RNF216: variants seen among roughly 807,000 people sequenced by gnomAD.
The protein encoded by RNF216 is ring finger protein 216.
In RNF216, 72 loss-of-function variants were observed where a neutral mutation model predicts 110.8. The observed-to-expected ratio is 0.65, with a 90% CI of 0.54 to 0.79. The LOEUF (loss-of-function observed/expected upper bound fraction) is 0.79, where lower values mean the gene tolerates loss of function less well. Among genes scored for constraint, RNF216 ranks in the 30% least tolerant of loss-of-function variants. The pLI, the probability that RNF216 is intolerant of heterozygous loss-of-function variation, is 0.00. For missense variants in RNF216, 1,342 were observed against 1,141.2 expected (o/e 1.18, Z -2.54); for synonymous variants, 495 against 407.5 (o/e 1.21, Z -2.59).
chr7:5,668,072 A>C (rs1789643668), intron 13 of RNF216, among the ~76,000 whole-genome samples: 1 of 152,196 alleles, frequency 6.6e-6, no homozygotes, highest in African/African-American at 2.4e-5. Flanking sequence ...AGCTGTCTGA[A>C]CTTGGGGTTG....
At position 5,622,763 on chromosome 7, in the gene RNF216, G is replaced by C. The variant is rs554425712; in HGVS notation, c.*97C>G. On this transcript the variant is annotated 3_prime_UTR_variant, in exon 17 of 17. Transcript: ENST00000389902. ...CCAGCCTACCCTTCAAGCTGACTTA[G>C]GATGCAATGGTACAGACACCAGCCT... 95 of 1,221,414 alleles carry C rather than the reference G, an allele frequency of 7.8e-5. 1 individual carries two copies. Among genetic ancestry groups the C allele is most frequent in the African/African-American group, 1.4e-4 (9 of 66,514 alleles). The allele number at this position is 1,221,414 out of a possible 1,614,324, so 75.7% of individuals were successfully genotyped here.
At chr7:5,726,140 T>C (rs1179483592) in intron 7 of RNF216, among the ~76,000 whole-genome samples, 1 of 151,862 alleles carries the variant, frequency 6.6e-6, no homozygotes, top group African/African-American at 2.4e-5. Flanking sequence ...TAGCTGGGCG[T>C]GGTGGTCCAC....
chr7:5,760,595 G>C (rs1795883270), intron 2 of RNF216: 1 of 281,378 alleles, frequency 3.6e-6, no homozygotes, highest in Non-Finnish European at 7.0e-6. Context: ...GGCTAAGCCA[G>C]AATCTTCTGG....
chr7:5,731,219 TA>T (rs751671958), intron 5 of RNF216, among the ~76,000 whole-genome samples: 10 of 152,072 alleles, frequency 6.6e-5, no homozygotes, highest in East Asian at 1.9e-4. Context: ...ACATTTACAG[TA>T]AAAAACAGTC....
chr7:5,777,554 C>A (rs1420677844), intron 1 of RNF216: 1 of 152,212 alleles, frequency 6.6e-6, no homozygotes, highest in Non-Finnish European at 1.5e-5. Context: ...GTGTATGTCA[C>A]TGGCCATCAG....
Position 5,641,800 on chromosome 7 carries a change from C to T in RNF216, c.2160-424G>A, listed in dbSNP as rs556414151. Among the ~76,000 whole-genome samples the T allele has an allele frequency of 7.9e-5, 12 of 151,972 alleles. No homozygotes were observed. In the South Asian group the frequency reaches 2.5e-3, roughly 32 times the overall value. On this transcript the variant is annotated intron_variant, in intron 14 of 16. Coordinates refer to ENST00000389902, the MANE Select transcript of RNF216 (RefSeq NM_207111.4). ...CTGTAATCCCAGAACTTTGAGAGGCCAAAGCAGGAAGATCATTTGAGCTCA... is the reference window on the plus strand; with the variant it reads ...CTGTAATCCCAGAACTTTGAGAGGCTAAAGCAGGAAGATCATTTGAGCTCA...
At position 5,622,716 on chromosome 7, in the gene RNF216, T is replaced by C. The variant is rs1786447934; in HGVS notation, c.*144A>G. On this transcript the variant is annotated 3_prime_UTR_variant, in exon 17 of 17. Transcript: ENST00000389902. Reference sequence around the variant, plus strand: ...ACTCTTCCAGGAGCAGTAGCCCTTCTAGGAAAGGGGTGGGAAGAAAACCAG... The same window carrying C: ...ACTCTTCCAGGAGCAGTAGCCCTTCCAGGAAAGGGGTGGGAAGAAAACCAG... 1 of 781,062 alleles carries C rather than the reference T, an allele frequency of 1.3e-6. No individual in the cohort carries two copies. The highest frequency in any genetic ancestry group is 2.4e-5 in the Admixed American group (1 of 41,028). The allele number at this position is 781,062 out of a possible 1,614,324, so 48.4% of individuals were successfully genotyped here.
chr7:5,681,580 C>T (rs1253554975), intron 13 of RNF216, among the ~76,000 whole-genome samples: 1 of 152,178 alleles, frequency 6.6e-6, no homozygotes, highest in Admixed American at 6.5e-5. Flanking sequence ...CTTGATTAAC[C>T]CTACCCACTG....
chr7:5,656,088 G>C (rs1396764251), intron 13 of RNF216, among the ~76,000 whole-genome samples: 3 of 152,120 alleles, frequency 2.0e-5, no homozygotes, highest in African/African-American at 4.8e-5. Context: ...GGGCAACATG[G>C]TCAAACCCCA....
At chr7:5,751,988 C>T (rs998555461) in intron 3 of RNF216, among the ~76,000 whole-genome samples, 1 of 151,976 alleles carries the variant, frequency 6.6e-6, no homozygotes, top group Non-Finnish European at 1.5e-5. Context: ...GAGTTCAAGA[C>T]CAGCCTGGCC....
chr7:5,647,750 A>C (rs190430547), intron 14 of RNF216, among the ~76,000 whole-genome samples: 1 of 152,320 alleles, frequency 6.6e-6, no homozygotes, highest in Non-Finnish European at 1.5e-5. Flanking sequence ...CGTATCTATC[A>C]GCTACCAAGA....
At chr7:5,703,642 GATAA>G (rs1343765185) in intron 13 of RNF216, among the ~76,000 whole-genome samples, 2 of 152,230 alleles carry the variant, frequency 1.3e-5, no homozygotes, top group Non-Finnish European at 2.9e-5. Flanking sequence ...GGTGAGAAAA[GATAA>G]ATAAATACAA....
intron 3 of RNF216, 31 bp from the exon 4 acceptor site, chr7:5,741,846 T>C (rs748363302): frequency 1.3e-6 from 2 of 1,562,966 alleles, no homozygotes; most frequent in Non-Finnish European, 1.7e-6. Flanking sequence ...AATAATTCAA[T>C]TTCTTTCCTA....
At position 5,732,328 on chromosome 7, in the gene RNF216, T is replaced by C. The variant is rs529020475; in HGVS notation, c.1122-1511A>G. ...ACTCATTACATGTGCATATTTGATG[T>C]GGCGACAAACCAGACACGGACTAGC... is the stretch of plus-strand genomic sequence containing the variant. On this transcript the variant is annotated intron_variant, in intron 5 of 16. Transcript: ENST00000389902. 1.5e-4 allele frequency among the ~76,000 whole-genome samples: 23 copies of C among 152,308 alleles called. No homozygotes were observed. In the South Asian group the frequency reaches 4.3e-3, roughly 29 times the overall value.
intron 16 of RNF216, among the ~76,000 whole-genome samples, chr7:5,623,748 C>T (rs1418064478): frequency 6.6e-6 from 1 of 152,164 alleles, no homozygotes; most frequent in African/African-American, 2.4e-5. Flanking sequence ...TGCTTTTCAG[C>T]CTCAGAAGGA....
At chr7:5,737,564 T>C (rs1325479660) in intron 5 of RNF216, among the ~76,000 whole-genome samples, 10 of 151,566 alleles carry the variant, frequency 6.6e-5, no homozygotes, top group Non-Finnish European at 8.8e-5. Context: ...TAAATATAAA[T>C]CTGATGACAG....
At chr7:5,679,302 C>T (rs1166506689) in intron 13 of RNF216, among the ~76,000 whole-genome samples, 3 of 152,218 alleles carry the variant, frequency 2.0e-5, no homozygotes, top group African/African-American at 7.2e-5. Flanking sequence ...AGGCACTGGA[C>T]TAAGGGCCTG....
chr7:5,706,714 A>T lies in RNF216; in HGVS notation c.2061+5047T>A, dbSNP rs189642824. ...CTGAGATCCTTTCCCAAAGGATTTCAATTCCTTTCCACCGGCTGCCTTTTC... is the reference window on the plus strand; with the variant it reads ...CTGAGATCCTTTCCCAAAGGATTTCTATTCCTTTCCACCGGCTGCCTTTTC... On this transcript the variant is annotated intron_variant, in intron 13 of 16. Coordinates refer to ENST00000389902, the MANE Select transcript of RNF216 (RefSeq NM_207111.4). 2.5e-3 allele frequency among the ~76,000 whole-genome samples: 379 copies of T among 152,326 alleles called. 3 individuals carry two copies. The highest frequency in any genetic ancestry group is 4.5e-3 in the Non-Finnish European group (303 of 68,020).
chr7:5,768,274 G>C (rs1796306760), intron 1 of RNF216, among the ~76,000 whole-genome samples: 1 of 137,604 alleles, frequency 7.3e-6, no homozygotes, highest in Non-Finnish European at 1.5e-5. Flanking sequence ...AACATAGTGA[G>C]ATCTTGTCGC....
Sources: allele counts gnomAD v4.1 joint callset (sites outside exome capture counted in the v4.1 genomes callset), GRCh38; gene constraint gnomAD v4.1.1; transcripts MANE v1.5; gene names NCBI Gene and HGNC (gene_info 2026-07-23, HGNC 2026-07-21).